The following VPS37C variants were observed in gnomAD, a reference collection of about 807,000 sequenced individuals.
VPS37C encodes the protein vacuolar protein sorting-associated protein 37C.
Under a neutral mutation model 16.1 loss-of-function variants are expected in VPS37C, and 9 were observed. That is an observed-to-expected ratio of 0.56 (90% confidence interval 0.34 to 0.97). VPS37C has a LOEUF of 0.97. VPS37C is among the 50% of genes least tolerant of loss of function. The probability of loss-of-function intolerance (pLI) is 0.02; values close to 1 mark genes in which losing one functional copy is unlikely to be tolerated. For missense variants in VPS37C, 479 were observed against 472.7 expected (o/e 1.01, Z -0.12); for synonymous variants, 207 against 206.4 (o/e 1.00, Z -0.02).
intron 2 of VPS37C, 49 bp from the exon 3 acceptor site, chr11:61,134,256 A>C: frequency 1.9e-6 from 3 of 1,570,326 alleles, no homozygotes; most frequent in East Asian, 2.3e-5. Flanking sequence ...ATCACCCTTA[A>C]CCTCCTGGCA....
At chr11:61,155,798 C>T (rs1012286704) in intron 1 of VPS37C, among the ~76,000 whole-genome samples, 4 of 152,244 alleles carry the variant, frequency 2.6e-5, no homozygotes, top group Admixed American at 2.0e-4. Flanking sequence ...GAATAAAGAG[C>T]ACCAAAAATG....
At chr11:61,157,423 T>TAA (rs59854288) in intron 1 of VPS37C, among the ~76,000 whole-genome samples, 113,467 of 151,702 alleles carry the variant, frequency 0.75, 43,878 homozygotes, top group East Asian at 1. Flanking sequence ...TTGTTTTTTT[T>TAA]CAATAGCCAT....
intron 2 of VPS37C, among the ~76,000 whole-genome samples, chr11:61,134,555 T>C (rs1369264665): frequency 6.6e-6 from 1 of 152,290 alleles, no homozygotes; most frequent in Non-Finnish European, 1.5e-5. Flanking sequence ...AGCAGAGGCT[T>C]TCCAGGAGGG....
chr11:61,138,233 G>A (rs778685268), intron 2 of VPS37C: 53 of 157,072 alleles, frequency 3.4e-4, no homozygotes, highest in Non-Finnish European at 3.7e-4. Context: ...TTTATTAAGT[G>A]TAAATCTCTG....
chr11:61,145,000 CT>C (rs1853173716), intron 1 of VPS37C: 1 of 152,214 alleles, frequency 6.6e-6, no homozygotes, highest in Admixed American at 6.5e-5. Flanking sequence ...CTCAACTTTC[CT>C]TATCTGTAAA....
chr11:61,159,901 CAAAAA>C (rs35953020), intron 1 of VPS37C, among the ~76,000 whole-genome samples: 35 of 49,544 alleles, frequency 7.1e-4, no homozygotes, highest in Non-Finnish European at 8.8e-4. Context: ...GACTCCGTCT[CAAAAA>C]AAAAAAAAAA....
At chr11:61,146,713 G>A (rs1052565160) in intron 1 of VPS37C, among the ~76,000 whole-genome samples, 1 of 152,228 alleles carries the variant, frequency 6.6e-6, no homozygotes, top group East Asian at 1.9e-4. Flanking sequence ...AAAGCTATGC[G>A]TGAGCCAGTC....
In VPS37C at chr11:61,132,548, CA is replaced by C; in HGVS notation, c.349-10del. 4 of 1,577,136 alleles carry C rather than the reference CA, an allele frequency of 2.5e-6. No individual in the cohort carries two copies. The highest frequency in any genetic ancestry group is 2.6e-6 in the Non-Finnish European group (3 of 1,160,134). On this transcript the variant is annotated splice_polypyrimidine_tract_variant and intron_variant, in intron 4 of 4. Coordinates refer to ENST00000301765, the MANE Select transcript of VPS37C (RefSeq NM_017966.5). ...AACTTCTCAGCCATGGCCTGGAAGA[CA>C]TAAGGTCCAGTGACAACAGGGGCAG...
At chr11:61,148,786 G>A (rs1387691529) in intron 1 of VPS37C, among the ~76,000 whole-genome samples, 1 of 152,144 alleles carries the variant, frequency 6.6e-6, no homozygotes, top group Non-Finnish European at 1.5e-5. Context: ...GCCCAGGCTA[G>A]AGTGCAGGGA....
intron 2 of VPS37C, among the ~76,000 whole-genome samples, chr11:61,135,527 G>C (rs762038337): frequency 2.0e-5 from 3 of 152,198 alleles, no homozygotes; most frequent in Admixed American, 6.5e-5. Flanking sequence ...TCAAACTCCT[G>C]AGCTCGAGCA....
rs534629269 is a variant in VPS37C at position 61,152,215 on chromosome 11, C to T, written c.-7+9176G>A. Among the ~76,000 whole-genome samples the T allele has an allele frequency of 1.2e-4, 19 of 152,294 alleles. No individual in the cohort carries two copies. In the South Asian group the frequency reaches 2.9e-3, roughly 23 times the overall value. On this transcript the variant is annotated intron_variant, in intron 1 of 4. Transcript: ENST00000301765. ...TACTCACTGAGGTTTGGCCATCCTACGCTGACATAAAGTGGGGCAGCTGCA... is the reference window on the plus strand; with the variant it reads ...TACTCACTGAGGTTTGGCCATCCTATGCTGACATAAAGTGGGGCAGCTGCA...
chr11:61,151,882 T>G (rs1350331221), intron 1 of VPS37C, among the ~76,000 whole-genome samples: 1 of 152,192 alleles, frequency 6.6e-6, no homozygotes, highest in Non-Finnish European at 1.5e-5. Flanking sequence ...GCCAAGCCAC[T>G]CGGCAAGGCC....
chr11:61,136,015 T>A (rs1861365027), intron 2 of VPS37C, among the ~76,000 whole-genome samples: 1 of 152,240 alleles, frequency 6.6e-6, no homozygotes, highest in African/African-American at 2.4e-5. Context: ...TAAGTTCTAA[T>A]GTTCAACAGC....
intron 4 of VPS37C, 94 bp from the exon 5 acceptor site, chr11:61,132,633 C>A: frequency 6.7e-7 from 1 of 1,484,200 alleles, no homozygotes. Flanking sequence ...GCCCTCCCAC[C>A]TCACGCCGCC....
At position 61,132,532 on chromosome 11, in the gene VPS37C, G is replaced by C. The variant is rs1243038775; in HGVS notation, c.356C>G (p.Ala119Gly). ...MKIEEESEAM[A>G]EKFLEGEVPL... ...CACCTCGCCCTCCAGGAACTTCTCA[G>C]CCATGGCCTGGAAGACATAAGGTCC... The change falls in exon 5 of 5, where the codon GCT (alanine) becomes GGT (glycine). Residue 119 changes from alanine to glycine, a missense_variant. Ala to Gly is a moderately conservative substitution (Grantham distance 60). Coordinates refer to ENST00000301765, the MANE Select transcript of VPS37C (RefSeq NM_017966.5). 3.8e-6 allele frequency: 6 copies of C among 1,596,008 alleles called. No individual in the cohort carries two copies. In the African/African-American group the frequency reaches 5.4e-5, roughly 14 times the overall value.
chr11:61,139,144 G>A (rs1178412024), intron 1 of VPS37C, among the ~76,000 whole-genome samples: 1 of 152,204 alleles, frequency 6.6e-6, no homozygotes, highest in Non-Finnish European at 1.5e-5. Flanking sequence ...GGAGCAGAGA[G>A]GAAAAGGCAG....
intron 2 of VPS37C, 125 bp downstream of exon 2, chr11:61,138,612 T>G (rs1292948457): frequency 2.4e-6 from 2 of 831,620 alleles, no homozygotes; most frequent in Non-Finnish European, 3.9e-6. Context: ...CAAACCAGGA[T>G]GAAGTTCACA....
intron 2 of VPS37C, 69 bp downstream of exon 2, chr11:61,138,668 C>G (rs961385404): frequency 2.7e-6 from 4 of 1,467,754 alleles, no homozygotes; most frequent in Non-Finnish European, 3.8e-6. Context: ...AGCCAGCATC[C>G]TTAAAAAGCG....
Position 61,132,232 on chromosome 11 carries a change from G to A in VPS37C, c.656C>T (p.Ala219Val), listed in dbSNP as rs1861280644. The change falls in exon 5 of 5, where the codon GCC becomes GTC. Residue 219 changes from alanine to valine, a missense_variant. Physicochemically the swap from Ala to Val is moderately conservative, Grantham distance 64. Transcript: ENST00000301765. Reference sequence around the variant, plus strand: ...AGGGGCCGGTGGCAGGGCTCCATGGGCAGTGGGGCCCACAGGCAGGCTGGG... The same window carrying A: ...AGGGGCCGGTGGCAGGGCTCCATGGACAGTGGGGCCCACAGGCAGGCTGGG... ...PSPSLPVGPTAHGALPPAPFP... is the reference protein window; with the variant it reads ...PSPSLPVGPTVHGALPPAPFP... The A allele has an allele frequency of 2.0e-6, 3 of 1,516,962 alleles. No individual in the cohort carries two copies. 94.0% of individuals were successfully genotyped at this position (1,516,962 alleles called of 1,614,324 possible).
Sources: allele counts gnomAD v4.1 joint callset (sites outside exome capture counted in the v4.1 genomes callset), GRCh38; gene constraint gnomAD v4.1.1; transcripts MANE v1.5; gene names NCBI Gene and HGNC (gene_info 2026-07-23, HGNC 2026-07-21).